The following SENP7 variants were observed in gnomAD, a reference collection of about 807,000 sequenced individuals.
SENP7 encodes sentrin-specific protease 7.
Under a neutral mutation model 141.2 loss-of-function variants are expected in SENP7, and 64 were observed. That is an observed-to-expected ratio of 0.45 (90% CI 0.37 to 0.56). SENP7 has a LOEUF of 0.56. Among genes scored for constraint, SENP7 ranks in the 20% least tolerant of loss-of-function variants. The pLI is 0.00. For synonymous variants in SENP7, 382 were observed against 426.4 expected (o/e 0.90, Z 1.28); for missense variants, 1,025 against 1,212.2 (o/e 0.85, Z 2.29).
At chr3:101,342,386 T>C (rs2059350414) in intron 14 of SENP7, among the ~76,000 whole-genome samples, 1 of 152,220 alleles carries the variant, frequency 6.6e-6, no homozygotes. Context: ...GCTACATGTA[T>C]ATTACCAACC....
In SENP7 at chr3:101,442,152, C is replaced by A. The variant is rs117977729; in HGVS notation, c.284+16803G>T. On this transcript the variant is annotated intron_variant, in intron 4 of 23. Transcript: ENST00000394095. ...ATGACAAAGCAAGAAAGCATGACAC[C>A]TCCAAAAAAATACAATAATTCTCCA... Among the ~76,000 whole-genome samples, 109 of 152,144 alleles carry A rather than the reference C, an allele frequency of 7.2e-4. No individual in the cohort carries two copies. The East Asian group carries it at 0.018, about 25-fold the overall frequency.
rs142369103 is a variant in SENP7 at position 101,367,202 on chromosome 3, A to G, written c.979-433T>C. On this transcript the variant is annotated intron_variant, in intron 8 of 23. Transcript: ENST00000394095. The stretch of plus-strand genomic sequence containing the variant: ...TTATGAAAATCAACCACTGCCTTCA[A>G]TATCTCATTTACTATATAAATCTGA... Among the ~76,000 whole-genome samples, 4 of 152,298 alleles carry G rather than the reference A, an allele frequency of 2.6e-5. No homozygotes were observed. In the East Asian group the frequency reaches 7.7e-4, roughly 29 times the overall value.
chr3:101,436,558 G>A (rs144080655), intron 4 of SENP7, among the ~76,000 whole-genome samples: 188 of 151,956 alleles, frequency 1.2e-3, no homozygotes, highest in African/African-American at 4.3e-3. Context: ...TATACAAAGA[G>A]TCCAAACAAC....
At position 101,483,006 on chromosome 3, in the gene SENP7, T is replaced by TA. The variant is rs1374860517; in HGVS notation, c.186+10866dup. Among the ~76,000 whole-genome samples, 9 of 152,212 alleles carry TA rather than the reference T, an allele frequency of 5.9e-5. No individual in the cohort carries two copies. In the East Asian group the frequency reaches 1.7e-3, roughly 29 times the overall value. ...ATGCTTATCCACTGTTGGTGGGAAT[T>TA]AGTTCTGCCACTGTGGAAAGCAGTT... On this transcript the variant is annotated intron_variant, in intron 3 of 23. Transcript: ENST00000394095.
intron 4 of SENP7, among the ~76,000 whole-genome samples, chr3:101,452,034 A>G (rs1559848605): frequency 6.6e-6 from 1 of 152,254 alleles, no homozygotes. Context: ...ACAAAAATCA[A>G]TGTGCAAAAA....
At chr3:101,336,049 G>A (rs1327268188) in intron 17 of SENP7, among the ~76,000 whole-genome samples, 1 of 152,118 alleles carries the variant, frequency 6.6e-6, no homozygotes, top group Non-Finnish European at 1.5e-5. Context: ...ATTCTCACAA[G>A]CATCCCAATT....
chr3:101,489,887 A>ATT (rs578020976), intron 3 of SENP7, among the ~76,000 whole-genome samples: 111 of 152,346 alleles, frequency 7.3e-4, no homozygotes, highest in African/African-American at 2.4e-3. Flanking sequence ...AAAAATGCAA[A>ATT]TTAAAACCAA....
At chr3:101,398,336 T>C (rs2061031277) in intron 6 of SENP7, among the ~76,000 whole-genome samples, 1 of 152,200 alleles carries the variant, frequency 6.6e-6, no homozygotes. Context: ...GGCACGTGCC[T>C]GTAGTCCCAG....
At chr3:101,396,859 T>C (rs1345820481) in intron 6 of SENP7, among the ~76,000 whole-genome samples, 1 of 152,188 alleles carries the variant, frequency 6.6e-6, no homozygotes, top group Non-Finnish European at 1.5e-5. Context: ...TGTGTGTTTT[T>C]TGAGATGAAA....
At chr3:101,453,877 A>T (rs9874188) in intron 4 of SENP7, among the ~76,000 whole-genome samples, 102,222 of 149,936 alleles carry the variant, frequency 0.68, 35,081 homozygotes, top group African/African-American at 0.78. Flanking sequence ...TTAAAAAATT[A>T]AAAAAAAAAA....
In SENP7 at chr3:101,332,094, G is replaced by A. The variant is rs768736955; in HGVS notation, c.2589C>T (p.Leu863=). 1.2e-5 allele frequency: 19 copies of A among 1,612,964 alleles called. No individual in the cohort carries two copies. The highest frequency in any genetic ancestry group is 3.3e-5 in the Admixed American group (2 of 59,882). ...VPVNESSHWY[L]AVICFPWLEE... is the part of the protein sequence containing the mutation. ...CTAACCATGGAAAACAAATGACTGC[G>A]AGATACCAGTGAGACCTGTTGAAAA... The change falls in exon 19 of 24, where the codon CTC becomes CTT. Residue 863 remains leucine (L), a synonymous_variant. Coordinates refer to ENST00000394095, the MANE Select transcript of SENP7 (RefSeq NM_020654.5).
Position 101,341,745 on chromosome 3 carries a change from G to A in SENP7, c.2141C>T (p.Thr714Ile), listed in dbSNP as rs1216205931. 6.2e-7 allele frequency: 1 copy of A among 1,610,376 alleles called. No individual in the cohort carries two copies. Among genetic ancestry groups the A allele is most frequent in the African/African-American group, 1.3e-5 (1 of 75,018 alleles). ...SNTDAAKPTYTFLQKQSSGCY... is the reference protein window; with the variant it reads ...SNTDAAKPTYIFLQKQSSGCY... ...ACCGCTACTTTGCTTCTGCAGGAAG[G>A]TGTAAGTAGGCTTGGCCGCATCTGT... The change falls in exon 15 of 24, where the codon ACC becomes ATC. Residue 714 changes from threonine to isoleucine, a missense_variant. Around this residue, in one of 4 missense-constraint regions of SENP7, gnomAD observed 295 missense variants for 459.1 expected, o/e 0.64. Transcript: ENST00000394095.
In SENP7 at chr3:101,324,758, T is replaced by C. The variant is rs1452656975; in HGVS notation, c.*1185A>G. ...AAGAGATGCTTAAAACAGATTAAAA[T>C]AATATTGTTAAAAAACATTTTTCTT... is the stretch of plus-strand genomic sequence containing the variant. On this transcript the variant is annotated 3_prime_UTR_variant, in exon 24 of 24. Coordinates refer to ENST00000394095, the MANE Select transcript of SENP7 (RefSeq NM_020654.5). The C allele has an allele frequency of 6.6e-6, 1 of 152,018 alleles. No individual in the cohort carries two copies. The highest frequency in any genetic ancestry group is 2.4e-5 in the African/African-American group (1 of 41,442). 9.4% of individuals were successfully genotyped at this position (152,018 alleles called of 1,614,324 possible).
chr3:101,461,815 T>C (rs1430994280), intron 3 of SENP7, among the ~76,000 whole-genome samples: 1 of 152,214 alleles, frequency 6.6e-6, no homozygotes, highest in Non-Finnish European at 1.5e-5. Context: ...AATGGAATAT[T>C]ATTAGACCAT....
intron 4 of SENP7, among the ~76,000 whole-genome samples, chr3:101,446,109 T>A (rs2062882197): frequency 6.6e-6 from 1 of 152,150 alleles, no homozygotes; most frequent in African/African-American, 2.4e-5. Flanking sequence ...TAACGAAATC[T>A]GGTTATTTAT....
At chr3:101,496,402 T>G (rs2065158507) in intron 2 of SENP7, among the ~76,000 whole-genome samples, 1 of 152,090 alleles carries the variant, frequency 6.6e-6, no homozygotes, top group Non-Finnish European at 1.5e-5. Flanking sequence ...ACCACAGGCA[T>G]GCACCATCAT....
At chr3:101,343,646 C>A in intron 14 of SENP7, 40 bp downstream of exon 14, 1 of 1,531,286 alleles carries the variant, frequency 6.5e-7, no homozygotes, top group Admixed American at 2.1e-5. Context: ...GTTTTCTGAA[C>A]CTCCCCCTTC....
intron 4 of SENP7, among the ~76,000 whole-genome samples, chr3:101,444,334 C>T (rs1029698214): frequency 1.3e-5 from 2 of 151,666 alleles, no homozygotes; most frequent in Non-Finnish European, 2.9e-5. Flanking sequence ...GTCAGTGTGG[C>T]GATTTCTCAG....
At chr3:101,456,059 T>C (rs2063342460) in intron 4 of SENP7, among the ~76,000 whole-genome samples, 1 of 152,182 alleles carries the variant, frequency 6.6e-6, no homozygotes. Context: ...ATTCCACTTT[T>C]TAATATTCAT....
Sources: gnomAD v4.1 joint callset for allele counts (sites outside exome capture counted in the v4.1 genomes callset) on GRCh38, gnomAD v4.1.1 for gene constraint, gnomAD v4.1.1 regional missense constraint, MANE v1.5 for transcripts, NCBI Gene and HGNC (gene_info 2026-07-23, HGNC 2026-07-21) for gene names.